MAP2K6: variants seen among roughly 807,000 people sequenced by gnomAD.
MAP2K6 encodes the protein dual specificity mitogen-activated protein kinase kinase 6.
A neutral mutation model predicts 53.7 loss-of-function variants in MAP2K6; 16 were observed. That is an observed-to-expected ratio of 0.30 (90% CI 0.20 to 0.45). The LOEUF (loss-of-function observed/expected upper bound fraction) is 0.45, where lower values mean the gene tolerates loss of function less well. Ranked by LOEUF, MAP2K6 falls within the 20% of genes least tolerant of loss-of-function variation. The pLI is 1.00. For missense variants in MAP2K6, 204 were observed against 411.9 expected (o/e 0.50, Z 4.37); for synonymous variants, 132 against 143.1 (o/e 0.92, Z 0.55).
chr17:69,523,415 A>G (rs1164098132), intron 7 of MAP2K6, 99 bp from the exon 8 acceptor site: 2 of 1,497,726 alleles, frequency 1.3e-6, no homozygotes, highest in African/African-American at 1.4e-5. Flanking sequence ...GGGGAAAGGA[A>G]GATGAAGGAC....
intron 2 of MAP2K6, among the ~76,000 whole-genome samples, chr17:69,512,938 G>A (rs1389768547): frequency 6.6e-6 from 1 of 152,150 alleles, no homozygotes; most frequent in Non-Finnish European, 1.5e-5. Context: ...GAAGCTGGTT[G>A]TTCATATAAA....
chr17:69,434,976 A>G (rs1906590528), intron 1 of MAP2K6: 1 of 152,212 alleles, frequency 6.6e-6, no homozygotes, highest in African/African-American at 2.4e-5. Context: ...GCAAAAGTGT[A>G]AAATTAAGAC....
chr17:69,444,599 A>G (rs1049353337), intron 1 of MAP2K6, among the ~76,000 whole-genome samples: 4 of 152,146 alleles, frequency 2.6e-5, no homozygotes, highest in Non-Finnish European at 5.9e-5. Flanking sequence ...TGCTGCTATC[A>G]TTGTCAAGTC....
chr17:69,449,758 C>T (rs1907145468), intron 1 of MAP2K6, among the ~76,000 whole-genome samples: 1 of 148,116 alleles, frequency 6.8e-6, no homozygotes, highest in Non-Finnish European at 1.5e-5. Context: ...GGACTACAGG[C>T]GCCCGCCACC....
At chr17:69,424,599 G>A (rs886912445) in intron 1 of MAP2K6, among the ~76,000 whole-genome samples, 2 of 152,114 alleles carry the variant, frequency 1.3e-5, no homozygotes, top group Non-Finnish European at 2.9e-5. Flanking sequence ...AGCTCCTGGC[G>A]ACTCCACTTG....
intron 1 of MAP2K6, among the ~76,000 whole-genome samples, chr17:69,483,356 T>C (rs1439935719): frequency 6.6e-6 from 1 of 152,052 alleles, no homozygotes; most frequent in Non-Finnish European, 1.5e-5. Context: ...TCCTTTATAA[T>C]ATCCTCAAAA....
At chr17:69,517,976 G>A (rs1910258710) in intron 4 of MAP2K6, among the ~76,000 whole-genome samples, 1 of 152,116 alleles carries the variant, frequency 6.6e-6, no homozygotes, top group Non-Finnish European at 1.5e-5. Context: ...GGATCACGAG[G>A]TCAGGAGTTC....
At chr17:69,437,946 G>A (rs1906700046) in intron 1 of MAP2K6, among the ~76,000 whole-genome samples, 1 of 152,230 alleles carries the variant, frequency 6.6e-6, no homozygotes. Flanking sequence ...TAATTCTGTT[G>A]CATTGCTTTA....
chr17:69,437,295 A>C (rs1193525031), intron 1 of MAP2K6, among the ~76,000 whole-genome samples: 2 of 152,206 alleles, frequency 1.3e-5, no homozygotes, highest in Admixed American at 1.3e-4. Flanking sequence ...GATATTAAGA[A>C]AATCATCAGG....
chr17:69,447,199 G>A lies in MAP2K6; in HGVS notation c.16+32199G>A, dbSNP rs954833123. Reference sequence around the variant, plus strand: ...TCACTATGTTGGCCAGGCTGGTTTCGAACTCCTGACCTCAGGTGGTCCACC... The same window carrying A: ...TCACTATGTTGGCCAGGCTGGTTTCAAACTCCTGACCTCAGGTGGTCCACC... On this transcript the variant is annotated intron_variant, in intron 1 of 11. Coordinates refer to ENST00000590474, the MANE Select transcript of MAP2K6 (RefSeq NM_002758.4). Among the ~76,000 whole-genome samples the A allele has an allele frequency of 9.2e-5, 14 of 152,006 alleles. No homozygotes were observed. The South Asian group carries it at 1.9e-3, about 20-fold the overall frequency.
Position 69,541,803 on chromosome 17 carries a change from G to C in MAP2K6, c.*50G>C, listed in dbSNP as rs757912579. 1 of 1,426,912 alleles carries C rather than the reference G, an allele frequency of 7.0e-7. No individual in the cohort carries two copies. Among genetic ancestry groups the C allele is most frequent in the African/African-American group, 1.4e-5 (1 of 70,960 alleles). The allele number at this position is 1,426,912 out of a possible 1,614,324, so 88.4% of individuals were successfully genotyped here. A position where few individuals can be genotyped will look rare whatever the true frequency, so the allele number is the denominator to read the frequency against. On this transcript the variant is annotated 3_prime_UTR_variant, in exon 12 of 12. Transcript: ENST00000590474. ...CCCTACTGTGGATTGGTGGGTTTCG[G>C]GGTGAAGCAAGTTCACTACAGCATC...
intron 1 of MAP2K6, among the ~76,000 whole-genome samples, chr17:69,463,447 A>AATATACATATATGTATGTGTGTATATAT (rs1907689527): frequency 2.0e-5 from 3 of 149,708 alleles, no homozygotes; most frequent in East Asian, 1.9e-4. Flanking sequence ...ATTATTCACT[A>AATATACATATATGTATGTGTGTATATAT]ATATACATAT....
intron 1 of MAP2K6, among the ~76,000 whole-genome samples, chr17:69,450,852 A>G (rs187794438): frequency 1.4e-4 from 21 of 152,312 alleles, no homozygotes; most frequent in Middle Eastern, 6.8e-3. Context: ...AAATATAAGA[A>G]GAGCACTATG....
At chr17:69,429,960 A>T (rs533911023) in intron 1 of MAP2K6, among the ~76,000 whole-genome samples, 8 of 152,200 alleles carry the variant, frequency 5.3e-5, no homozygotes, top group Non-Finnish European at 8.8e-5. Flanking sequence ...CGAATAACAA[A>T]AGAACAGGTG....
chr17:69,519,053 G>C (rs1910326999), intron 4 of MAP2K6, among the ~76,000 whole-genome samples: 1 of 152,156 alleles, frequency 6.6e-6, no homozygotes, highest in African/African-American at 2.4e-5. Context: ...TCATACCTTG[G>C]AAATACATTC....
intron 10 of MAP2K6, among the ~76,000 whole-genome samples, chr17:69,533,753 T>TTTTTTTTTTTTTTTTTTTTTTCA (rs1911211603): frequency 6.9e-6 from 1 of 145,396 alleles, no homozygotes. Flanking sequence ...TTTTTTTTTT[T>TTTTTTTTTTTTTTTTTTTTTTCA]ACCAGGGTCT....
At chr17:69,505,442 CA>C (rs33993512) in intron 1 of MAP2K6, 35,379 of 115,724 alleles carry the variant, frequency 0.31, 2,497 homozygotes, top group East Asian at 0.48. Context: ...GACTCTGTCT[CA>C]AAAAAAAAAA....
chr17:69,501,437 G>A (rs1909171068), intron 1 of MAP2K6, among the ~76,000 whole-genome samples: 2 of 152,070 alleles, frequency 1.3e-5, no homozygotes, highest in African/African-American at 4.8e-5. Context: ...CATCATTTTC[G>A]GTGCAGTCAA....
chr17:69,456,147 C>A (rs1907405078), intron 1 of MAP2K6, among the ~76,000 whole-genome samples: 1 of 152,226 alleles, frequency 6.6e-6, no homozygotes, highest in African/African-American at 2.4e-5. Flanking sequence ...AGGCGTGAGC[C>A]ACAGCTCCTG....
Sources: allele counts gnomAD v4.1 joint callset (sites outside exome capture counted in the v4.1 genomes callset), GRCh38; gene constraint gnomAD v4.1.1; transcripts MANE v1.5; gene names NCBI Gene and HGNC (gene_info 2026-07-23, HGNC 2026-07-21).